Variants in CPNE3 observed in about 807,000 individuals in gnomAD.
CPNE3 encodes the protein copine-3.
In CPNE3, 68 loss-of-function variants were observed where a neutral mutation model predicts 63.9. That is an observed-to-expected ratio of 1.06 (90% CI 0.87 to 1.30). The LOEUF (loss-of-function observed/expected upper bound fraction) is 1.30, where lower values mean the gene tolerates loss of function less well. Among genes scored for constraint, CPNE3 ranks in the 50% most tolerant of loss-of-function variants. The probability of loss-of-function intolerance (pLI) is 0.00; values close to 1 mark genes in which losing one functional copy is unlikely to be tolerated. For synonymous variants in CPNE3, 219 were observed against 197.5 expected (o/e 1.11, Z -0.91); for missense variants, 665 against 578.1 (o/e 1.15, Z -1.54).
intron 6 of CPNE3, among the ~76,000 whole-genome samples, chr8:86,533,054 A>C (rs780830031): frequency 2.7e-5 from 4 of 150,680 alleles, no homozygotes; most frequent in African/African-American, 7.3e-5. Flanking sequence ...CTATCTATCT[A>C]TCTATCTATC....
intron 2 of CPNE3, among the ~76,000 whole-genome samples, chr8:86,516,727 T>C (rs1315707381): frequency 6.6e-6 from 1 of 152,206 alleles, no homozygotes; most frequent in East Asian, 1.9e-4. Flanking sequence ...TTGTTTCCTT[T>C]GCCTTCTTTA....
intron 6 of CPNE3, 110 bp from the exon 7 acceptor site, chr8:86,537,453 A>G (rs1820824231): frequency 1.4e-6 from 1 of 713,666 alleles, no homozygotes; most frequent in East Asian, 2.6e-5. Context: ...TACTATCAAT[A>G]CTATAGAGTT....
Position 86,551,181 on chromosome 8 carries a change from A to G in CPNE3, c.1069-2A>G, listed in dbSNP as rs778618749. 1.9e-6 allele frequency: 3 copies of G among 1,613,062 alleles called. No individual in the cohort carries two copies. The highest frequency in any genetic ancestry group is 4.5e-5 in the East Asian group (2 of 44,864). The stretch of plus-strand genomic sequence containing the variant: ...CATCAGTCCTTTGTCCATCTTTGAC[A>G]GGTATCACATGAATTTCCAATGAAC... On this transcript the variant is annotated splice_acceptor_variant, in intron 13 of 16. Coordinates refer to ENST00000517490, the MANE Select transcript of CPNE3 (RefSeq NM_003909.5). LOFTEE classifies it high-confidence loss of function.
At chr8:86,521,344 T>C (rs1048558570) in intron 2 of CPNE3, among the ~76,000 whole-genome samples, 1 of 152,222 alleles carries the variant, frequency 6.6e-6, no homozygotes. Context: ...CAAGCTTTTG[T>C]TATTCTGGTT....
chr8:86,555,401 C>T (rs1235644986), intron 15 of CPNE3, among the ~76,000 whole-genome samples: 1 of 152,172 alleles, frequency 6.6e-6, no homozygotes, highest in African/African-American at 2.4e-5. Context: ...TTTCTCTTAG[C>T]CTCAGCATAT....
chr8:86,538,944 A>G (rs1285790653), intron 7 of CPNE3, among the ~76,000 whole-genome samples: 1 of 152,190 alleles, frequency 6.6e-6, no homozygotes, highest in African/African-American at 2.4e-5. Context: ...CATGTTCTCT[A>G]GCACTTCAAC....
chr8:86,528,860 T>G (rs1010214746), intron 3 of CPNE3, 85 bp from the exon 4 acceptor site: 9 of 1,347,548 alleles, frequency 6.7e-6, no homozygotes, highest in Non-Finnish European at 5.1e-6. Flanking sequence ...GTCATGCCTA[T>G]GTTTATGTTT....
In CPNE3 at chr8:86,551,945, C is replaced by T. The variant is rs571579480; in HGVS notation, c.1120+711C>T. Among the ~76,000 whole-genome samples, 12 of 152,352 alleles carry T rather than the reference C, an allele frequency of 7.9e-5. 1 individual carries two copies. The South Asian group carries it at 2.3e-3, about 29-fold the overall frequency. On this transcript the variant is annotated intron_variant, in intron 14 of 16. Transcript: ENST00000517490. Reference sequence around the variant, plus strand: ...CCTCCCAAAGTACTGGGATTAGAGGCGTGAGCCACCATGCCCAGCCACGTT... The same window carrying T: ...CCTCCCAAAGTACTGGGATTAGAGGTGTGAGCCACCATGCCCAGCCACGTT...
At chr8:86,515,874 C>G (rs190892660) in intron 2 of CPNE3, among the ~76,000 whole-genome samples, 135 of 152,168 alleles carry the variant, frequency 8.9e-4, no homozygotes, top group Admixed American at 1.4e-3. Flanking sequence ...CAGAGCCAAA[C>G]AGAACTTGTG....
At chr8:86,528,388 G>A (rs934469859) in intron 2 of CPNE3, 148 bp from the exon 3 acceptor site, 4 of 675,230 alleles carry the variant, frequency 5.9e-6, no homozygotes, top group African/African-American at 5.5e-5. Flanking sequence ...ATCCTGAGGA[G>A]GTGCATATAA....
intron 9 of CPNE3, chr8:86,545,189 A>T (rs989496564): frequency 1.3e-5 from 2 of 156,302 alleles, no homozygotes; most frequent in Admixed American, 6.5e-5. Context: ...CACTAGAGGG[A>T]ACCACACTTT....
At chr8:86,540,661 C>T (rs948901595) in intron 8 of CPNE3, among the ~76,000 whole-genome samples, 11 of 152,098 alleles carry the variant, frequency 7.2e-5, no homozygotes, top group African/African-American at 2.7e-4. Context: ...ATAGGAACCT[C>T]GAACTACATT....
chr8:86,526,700 C>A (rs1563686842), intron 2 of CPNE3, among the ~76,000 whole-genome samples: 1 of 151,918 alleles, frequency 6.6e-6, no homozygotes, highest in South Asian at 2.1e-4. Context: ...TTAGTAGAGA[C>A]GAGGTTTCAC....
chr8:86,522,839 A>G (rs991837184), intron 2 of CPNE3, among the ~76,000 whole-genome samples: 1 of 152,098 alleles, frequency 6.6e-6, no homozygotes, highest in Non-Finnish European at 1.5e-5. Flanking sequence ...TACTAAAGGG[A>G]TTTGTAGATA....
intron 2 of CPNE3, among the ~76,000 whole-genome samples, chr8:86,518,517 C>G (rs890688134): frequency 6.6e-6 from 1 of 152,104 alleles, no homozygotes; most frequent in African/African-American, 2.4e-5. Flanking sequence ...TGAGGGTAAA[C>G]GGTGATTCAC....
At position 86,559,098 on chromosome 8, in the gene CPNE3, T is replaced by C. The variant is rs1821382275; in HGVS notation, c.*688T>C. 2.0e-5 allele frequency: 3 copies of C among 152,180 alleles called. No individual in the cohort carries two copies. Among genetic ancestry groups the C allele is most frequent in the Admixed American group, 2.0e-4 (3 of 15,268 alleles). The allele number at this position is 152,180 out of a possible 1,614,324, so 9.4% of individuals were successfully genotyped here. On this transcript the variant is annotated 3_prime_UTR_variant, in exon 17 of 17. Transcript: ENST00000517490. The stretch of plus-strand genomic sequence containing the variant: ...GTAAGTAAGCCATTTTTATTTGCCT[T>C]TCTAGATATTTTATTTTATTGTGGA...
chr8:86,527,528 C>T (rs1042957451), intron 2 of CPNE3, among the ~76,000 whole-genome samples: 2 of 152,164 alleles, frequency 1.3e-5, no homozygotes, highest in South Asian at 2.1e-4. Context: ...TGGGCCACAC[C>T]TTCTCTCTGT....
intron 5 of CPNE3, among the ~76,000 whole-genome samples, chr8:86,531,999 T>C (rs554535828): frequency 3.3e-5 from 5 of 152,318 alleles, no homozygotes; most frequent in African/African-American, 1.2e-4. Flanking sequence ...ATGTTCAGGG[T>C]GTTGATTTTT....
intron 7 of CPNE3, among the ~76,000 whole-genome samples, chr8:86,539,499 T>C (rs1820879974): frequency 6.6e-6 from 1 of 152,152 alleles, no homozygotes; most frequent in Admixed American, 6.6e-5. Context: ...TATGTATGTA[T>C]ATATGGTATT....
Sources: allele counts gnomAD v4.1 joint callset (sites outside exome capture counted in the v4.1 genomes callset), GRCh38; gene constraint gnomAD v4.1.1; transcripts MANE v1.5; gene names NCBI Gene and HGNC (gene_info 2026-07-23, HGNC 2026-07-21).